The following GPR89B variants were observed in gnomAD, a reference collection of about 807,000 sequenced individuals.
GPR89B encodes the protein golgi pH regulator B.
Under a neutral mutation model 52.4 loss-of-function variants are expected in GPR89B, and 25 were observed. That is an observed-to-expected ratio of 0.48 (90% CI 0.35 to 0.67). The LOEUF is 0.67. Ranked by LOEUF, GPR89B falls within the 30% of genes least tolerant of loss-of-function variation. GPR89B has a pLI of 0.01. For missense variants in GPR89B, 146 were observed against 450.2 expected (o/e 0.32, Z 6.11); for synonymous variants, 52 against 151.2 (o/e 0.34, Z 4.81).
At chr1:147,950,835 A>AG (rs1158961452) in intron 5 of GPR89B, among the ~76,000 whole-genome samples, 2 of 152,188 alleles carry the variant, frequency 1.3e-5, no homozygotes, top group Non-Finnish European at 2.9e-5. Context: ...CGGCAGGCTG[A>AG]GGCAGGAGAA....
intron 7 of GPR89B, among the ~76,000 whole-genome samples, chr1:147,958,680 G>T (rs1408221494): frequency 4.0e-5 from 6 of 151,448 alleles, no homozygotes; most frequent in African/African-American, 7.3e-5. Context: ...GTCAAGTGTG[G>T]ATACATACTT....
chr1:147,930,146 A>G (rs1553246811), intron 1 of GPR89B, among the ~76,000 whole-genome samples: 1 of 152,262 alleles, frequency 6.6e-6, no homozygotes, highest in Non-Finnish European at 1.5e-5. Context: ...TTATAATCAT[A>G]GACTTTCACT....
rs1336058506 is a variant in GPR89B, at chr1:147,950,560, A to G, written c.416-2785A>G. Among the ~76,000 whole-genome samples, 3 of 152,286 alleles carry G rather than the reference A, an allele frequency of 2.0e-5. No homozygotes were observed. The East Asian group carries it at 5.8e-4, about 30-fold the overall frequency. On this transcript the variant is annotated intron_variant, in intron 5 of 13. Transcript: ENST00000314163. ...GCCGGGCAGAGGCTGCAATCTTGGC[A>G]CTTTGGGAGGCCAAGGCAGGCGGCT...
At chr1:148,001,198 AATG>A in the GPR89B span, 1 of 276,460 alleles carries the variant, frequency 3.6e-6, no homozygotes, top group South Asian at 3.0e-5. Flanking sequence ...GTTTAGCCTT[AATG>A]ATGATTGTTA....
chr1:147,955,378 T>C (rs1243886537), intron 7 of GPR89B, among the ~76,000 whole-genome samples: 1 of 152,024 alleles, frequency 6.6e-6, no homozygotes, highest in South Asian at 2.1e-4. Context: ...TGTACAGATA[T>C]CTCTTTGACA....
At chr1:148,007,412 A>G in the GPR89B span, among the ~76,000 whole-genome samples, 3 of 151,972 alleles carry the variant, frequency 2.0e-5, no homozygotes, top group South Asian at 6.2e-4. Flanking sequence ...ACATTTGTAC[A>G]TATTTATAGG....
chr1:147,951,329 A>T (rs1655672701), intron 5 of GPR89B, among the ~76,000 whole-genome samples: 1 of 152,114 alleles, frequency 6.6e-6, no homozygotes, highest in South Asian at 2.1e-4. Flanking sequence ...TGCTTGGTGA[A>T]TATTACCTAT....
In GPR89B at chr1:147,928,552, G is replaced by C; in HGVS notation, c.16G>C (p.Asp6His). 6.2e-7 allele frequency: 1 copy of C among 1,613,914 alleles called. No homozygotes were observed. Among genetic ancestry groups the C allele is most frequent in the Non-Finnish European group, 8.5e-7 (1 of 1,179,812 alleles). The change falls in exon 1 of 14, where the codon GAC (aspartate) becomes CAC (histidine). Residue 6 changes from aspartate to histidine, a missense_variant. Coordinates refer to ENST00000314163, the MANE Select transcript of GPR89B (RefSeq NM_016334.5). ...ACACTTCGCCATGAGTTTCCTGATC[G>C]ACTCCAGCATCATGATTACCTCCCA... is the stretch of plus-strand genomic sequence containing the variant. MSFLI[D>H]SSIMITSQIL...
chr1:148,008,558 G>T, the GPR89B span, among the ~76,000 whole-genome samples: 1 of 152,116 alleles, frequency 6.6e-6, no homozygotes, highest in Admixed American at 6.5e-5. Flanking sequence ...GCCCCAGAAA[G>T]AACATAGGCA....
intron 11 of GPR89B, 70 bp downstream of exon 11, chr1:147,986,364 A>T (rs1658669778): frequency 6.2e-7 from 1 of 1,601,068 alleles, no homozygotes; most frequent in Non-Finnish European, 8.5e-7. Context: ...CATTGTTAAG[A>T]TTCTAATTTG....
At chr1:147,986,385 G>A in intron 11 of GPR89B, 91 bp downstream of exon 11, 7 of 1,540,588 alleles carry the variant, frequency 4.5e-6, no homozygotes, top group Non-Finnish European at 6.2e-6. Flanking sequence ...TATACTTTAG[G>A]TACTTGCTTC....
intron 10 of GPR89B, among the ~76,000 whole-genome samples, chr1:147,983,251 A>G (rs1215723426): frequency 1.3e-5 from 2 of 152,216 alleles, no homozygotes; most frequent in African/African-American, 2.4e-5. Flanking sequence ...ACCATTCAGG[A>G]CATAGGCATG....
intron 10 of GPR89B, among the ~76,000 whole-genome samples, chr1:147,970,590 A>G (rs1479265893): frequency 1.3e-5 from 2 of 148,662 alleles, no homozygotes; most frequent in Non-Finnish European, 3.0e-5. Context: ...TAGAATGTGA[A>G]CATTTCTTAT....
intron 2 of GPR89B, 71 bp downstream of exon 2, chr1:147,936,757 A>G (rs1283585491): frequency 8.0e-7 from 1 of 1,256,996 alleles, no homozygotes; most frequent in African/African-American, 1.5e-5. Context: ...TCTCCATTAA[A>G]GAAACATTAT....
the GPR89B span, among the ~76,000 whole-genome samples, chr1:148,021,202 C>T: frequency 6.6e-6 from 1 of 151,388 alleles, no homozygotes; most frequent in Non-Finnish European, 1.5e-5. Context: ...TGGAGTGCGG[C>T]TCAAGAAATG....
chr1:148,009,347 G>A, the GPR89B span: 1 of 1,611,862 alleles, frequency 6.2e-7, no homozygotes, highest in East Asian at 2.2e-5. Flanking sequence ...TCTCACCTTG[G>A]ACAGTTTTCA....
chr1:148,006,843 A>G, the GPR89B span, among the ~76,000 whole-genome samples: 6 of 151,660 alleles, frequency 4.0e-5, no homozygotes, highest in South Asian at 6.2e-4. Flanking sequence ...CAGCCTCTCG[A>G]GTAGCTGGGA....
At chr1:147,928,638 C>A (rs1571205619) in intron 1 of GPR89B, 60 bp downstream of exon 1, 10 of 1,605,018 alleles carry the variant, frequency 6.2e-6, no homozygotes, top group African/African-American at 4.0e-5. Context: ...TCGCCCTCTC[C>A]GGTCCTCCGC....
At chr1:147,990,152 C>T (rs1207432644) in intron 12 of GPR89B, among the ~76,000 whole-genome samples, 1 of 152,296 alleles carries the variant, frequency 6.6e-6, no homozygotes, top group African/African-American at 2.4e-5. Flanking sequence ...TAATGATCAC[C>T]ATTCTAACTG....
Sources: allele counts gnomAD v4.1 joint callset (sites outside exome capture counted in the v4.1 genomes callset), GRCh38; gene constraint gnomAD v4.1.1; transcripts MANE v1.5; gene names NCBI Gene and HGNC (gene_info 2026-07-23, HGNC 2026-07-21).